The following DENND4A variants were observed in gnomAD, a reference collection of about 807,000 sequenced individuals.
DENND4A encodes the protein C-myc promoter-binding protein.
A neutral mutation model predicts 199.3 loss-of-function variants in DENND4A; 70 were observed. That is an observed-to-expected ratio of 0.35 (90% CI 0.29 to 0.43). DENND4A has a LOEUF of 0.43. Ranked by LOEUF, DENND4A falls within the 20% of genes least tolerant of loss-of-function variation. DENND4A has a pLI of 1.00. For synonymous variants in DENND4A, 686 were observed against 766.9 expected, an observed-to-expected ratio of 0.89 and a Z score of 1.74; for missense variants, 1,723 against 2,255.8, an observed-to-expected ratio of 0.76 and a Z score of 4.78.
At chr15:65,780,145 G>A (rs1020592454) in intron 1 of DENND4A, among the ~76,000 whole-genome samples, 8 of 152,032 alleles carry the variant, frequency 5.3e-5, no homozygotes, top group Middle Eastern at 3.2e-3. Flanking sequence ...CGAGAGATCC[G>A]TACGCCTTGG....
At chr15:65,716,201 T>C (rs971690075) in intron 13 of DENND4A, among the ~76,000 whole-genome samples, 2 of 152,042 alleles carry the variant, frequency 1.3e-5, no homozygotes, top group African/African-American at 2.4e-5. Flanking sequence ...TCTCCTACTT[T>C]ACCTTTGTCT....
rs767643909 is a variant in DENND4A, at chr15:65,752,595, C to T, written c.345G>A (p.Gln115=). Residue 115 remains glutamine (Q), a synonymous_variant, in exon 4 of 33, where the codon CAG becomes CAA. Transcript: ENST00000443035. The stretch of plus-strand genomic sequence containing the variant: ...GAGTACTCTGAATAATTTCACAACC[C>T]TGTTTCAATCTTTCTTTCCAGTCAT... ...VLYDWKERLK[Q]GCEIIQSTPY... The T allele has an allele frequency of 6.4e-7, 1 of 1,571,854 alleles. No individual in the cohort carries two copies. Among genetic ancestry groups the T allele is most frequent in the South Asian group, 1.2e-5 (1 of 86,562 alleles).
rs749775083 is a variant in DENND4A, at chr15:65,729,258, C to T, written c.1312-11G>A. On this transcript the variant is annotated splice_polypyrimidine_tract_variant and intron_variant, in intron 10 of 32. Transcript: ENST00000443035. ...GAAAGGGAAAATCATCTTGGATAAA[C>T]AAAAGATAGGAGAGAATTTAGCTTT... 4.5e-6 allele frequency: 7 copies of T among 1,562,666 alleles called. No individual in the cohort carries two copies. The highest frequency in any genetic ancestry group is 1.4e-5 in the African/African-American group (1 of 73,692).
chr15:65,728,376 T>C (rs1391137814), intron 11 of DENND4A, among the ~76,000 whole-genome samples: 1 of 152,200 alleles, frequency 6.6e-6, no homozygotes, highest in African/African-American at 2.4e-5. Flanking sequence ...AATGGTGTTT[T>C]AATTCAATTT....
At chr15:65,778,881 G>C (rs1037908033) in intron 1 of DENND4A, among the ~76,000 whole-genome samples, 1 of 136,520 alleles carries the variant, frequency 7.3e-6, no homozygotes, top group African/African-American at 2.8e-5. Flanking sequence ...GTGACACAAC[G>C]AGACTCCGCA....
intron 1 of DENND4A, chr15:65,772,052 GA>G: frequency 1.5e-6 from 2 of 1,293,820 alleles, no homozygotes; most frequent in Non-Finnish European, 2.2e-6. Context: ...CCTTCTGCAG[GA>G]AACGCTGGGC....
intron 1 of DENND4A, among the ~76,000 whole-genome samples, chr15:65,780,027 C>A (rs995985508): frequency 1.3e-5 from 2 of 151,998 alleles, no homozygotes; most frequent in Non-Finnish European, 2.9e-5. Flanking sequence ...GCATGAGCCA[C>A]CACACCTAGC....
rs1260898781 is a variant in DENND4A at position 65,661,282 on chromosome 15, T to C, written c.*569A>G. On this transcript the variant is annotated 3_prime_UTR_variant, in exon 33 of 33. Coordinates refer to ENST00000443035, the MANE Select transcript of DENND4A (RefSeq NM_001320835.1). ...ATAGATAGATATACACAGAGAGATC[T>C]GCAGCTGTACTAATTACTTCAAATA... 1 of 152,212 alleles carries C rather than the reference T, an allele frequency of 6.6e-6. No individual in the cohort carries two copies. The highest frequency in any genetic ancestry group is 1.5e-5 in the Non-Finnish European group (1 of 68,058). 9.4% of individuals were successfully genotyped at this position (152,212 alleles called of 1,614,324 possible).
chr15:65,706,183 C>T lies in DENND4A; in HGVS notation c.1995G>A (p.Leu665=). The change falls in exon 15 of 33, where the codon CTG becomes CTA. Residue 665 remains leucine, a synonymous_variant. Transcript: ENST00000443035. ...DKSGEVRLIE[L]DESFKSEHTV... ...TGTGTTCACTTTTGAAAGATTCATC[C>T]AGTTCTATAAGTCGTACTTCACCGC... The T allele has an allele frequency of 1.1e-5, 18 of 1,602,242 alleles. No individual in the cohort carries two copies. The highest frequency in any genetic ancestry group is 1.4e-5 in the Non-Finnish European group (17 of 1,174,148).
Position 65,729,250 on chromosome 15 carries a change from T to C in DENND4A, c.1312-3A>G. On this transcript the variant is annotated splice_region_variant and splice_polypyrimidine_tract_variant and intron_variant, in intron 10 of 32. Coordinates refer to ENST00000443035, the MANE Select transcript of DENND4A (RefSeq NM_001320835.1). ...GGCCAGTGGAAAGGGAAAATCATCT[T>C]GGATAAACAAAAGATAGGAGAGAAT... is the stretch of plus-strand genomic sequence containing the variant. 6.4e-7 allele frequency: 1 copy of C among 1,566,826 alleles called. No homozygotes were observed. The highest frequency in any genetic ancestry group is 8.7e-7 in the Non-Finnish European group (1 of 1,155,102).
chr15:65,732,663 C>T, intron 8 of DENND4A, 89 bp downstream of exon 8: 1 of 775,874 alleles, frequency 1.3e-6, no homozygotes, highest in South Asian at 1.8e-5. Context: ...AGGTTTTTTT[C>T]CTCATTCAGA....
chr15:65,723,008 T>G, intron 11 of DENND4A, 60 bp from the exon 12 acceptor site: 1 of 1,235,902 alleles, frequency 8.1e-7, no homozygotes, highest in Non-Finnish European at 1.1e-6. Flanking sequence ...GGGAAAGGTA[T>G]ATATCTGTTA....
chr15:65,691,125 C>G lies in DENND4A; in HGVS notation c.3469G>C (p.Asp1157His), dbSNP rs2076955175. The change falls in exon 23 of 33, where the codon GAT becomes CAT. Residue 1157 changes from aspartate (D) to histidine (H), a missense_variant. Asp to His is a moderately conservative substitution (Grantham distance 81, BLOSUM62 -1). Coordinates refer to ENST00000443035, the MANE Select transcript of DENND4A (RefSeq NM_001320835.1). The stretch of plus-strand genomic sequence containing the variant: ...AAAATAACAGGAGAATCCACTTTAT[C>G]TGCCAAATAGTTAGAACCATCAAAA... ...TPFDGSNYLA[D>H]KVDSPVIFDL... The G allele has an allele frequency of 1.2e-6, 2 of 1,613,130 alleles. No homozygotes were observed. The highest frequency in any genetic ancestry group is 1.3e-5 in the African/African-American group (1 of 74,904).
chr15:65,767,919 G>T (rs1229470096), intron 1 of DENND4A, among the ~76,000 whole-genome samples: 1 of 152,118 alleles, frequency 6.6e-6, no homozygotes, highest in African/African-American at 2.4e-5. Flanking sequence ...ATAAAGCAGG[G>T]CTTCATACAA....
At chr15:65,727,769 C>A in intron 11 of DENND4A, 1 of 334,422 alleles carries the variant, frequency 3.0e-6, no homozygotes, top group Admixed American at 4.5e-5. Context: ...TTCCTCTTCC[C>A]TGAATAGATT....
intron 14 of DENND4A, among the ~76,000 whole-genome samples, chr15:65,708,691 C>A (rs1596487599): frequency 6.6e-6 from 1 of 152,246 alleles, no homozygotes; most frequent in East Asian, 1.9e-4. Flanking sequence ...TTCATATTCT[C>A]TTCATATTTT....
At chr15:65,719,652 G>A (rs972335183) in intron 12 of DENND4A, among the ~76,000 whole-genome samples, 8 of 152,074 alleles carry the variant, frequency 5.3e-5, no homozygotes, top group South Asian at 4.1e-4. Flanking sequence ...CACTTTAGGA[G>A]GCTGCAGTGG....
intron 14 of DENND4A, among the ~76,000 whole-genome samples, chr15:65,709,711 A>ATATATATATAT (rs1480797942): frequency 8.6e-6 from 1 of 116,324 alleles, no homozygotes; most frequent in African/African-American, 3.1e-5. Context: ...AAAAAAAAAA[A>ATATATATATAT]AAAAAAAAAT....
intron 23 of DENND4A, among the ~76,000 whole-genome samples, chr15:65,685,123 C>T (rs141112927): frequency 6.1e-4 from 93 of 151,370 alleles, no homozygotes; most frequent in African/African-American, 2.1e-3. Context: ...CACCACGCCC[C>T]GCCCACAATT....
Sources: gnomAD v4.1 joint callset for allele counts (sites outside exome capture counted in the v4.1 genomes callset) on GRCh38, gnomAD v4.1.1 for gene constraint, MANE v1.5 for transcripts, NCBI Gene and HGNC (gene_info 2026-07-23, HGNC 2026-07-21) for gene names.